The following CHLSN variants were observed in gnomAD, a reference collection of about 807,000 sequenced individuals.
The protein encoded by CHLSN is protein cholesin.
chr7:1,136,610 A>G, the CHLSN span, among the ~76,000 whole-genome samples: 3 of 145,476 alleles, frequency 2.1e-5, no homozygotes, highest in Non-Finnish European at 4.5e-5. Context: ...ATATAAATAT[A>G]TATAAATATA....
At chr7:1,092,772 G>A in the CHLSN span, 32 of 1,613,570 alleles carry the variant, frequency 2.0e-5, no homozygotes, top group Non-Finnish European at 2.7e-5. Flanking sequence ...TGCCGGCCCT[G>A]AACCGCTTCT....
chr7:984,910 G>T, the CHLSN span: 1 of 1,542,174 alleles, frequency 6.5e-7, no homozygotes, highest in South Asian at 1.2e-5. Context: ...GCTGGCTGGG[G>T]TGGGAACCTG....
chr7:1,136,624 AAAT>A, the CHLSN span, among the ~76,000 whole-genome samples: 2 of 145,340 alleles, frequency 1.4e-5, no homozygotes, highest in Admixed American at 1.4e-4. Flanking sequence ...AAATATATAA[AAAT>A]AAATATATAT....
the CHLSN span, chr7:1,026,427 C>A: frequency 6.6e-6 from 1 of 152,230 alleles, no homozygotes; most frequent in Non-Finnish European, 1.5e-5. Flanking sequence ...AGGCCCGTGT[C>A]CTTCCTAGCT....
the CHLSN span, among the ~76,000 whole-genome samples, chr7:1,055,780 C>T: frequency 3.9e-5 from 6 of 152,140 alleles, no homozygotes; most frequent in African/African-American, 1.4e-4. Flanking sequence ...ACAGCCCTCC[C>T]GCTCCGATCT....
the CHLSN span, among the ~76,000 whole-genome samples, chr7:1,078,579 C>A: frequency 6.6e-6 from 1 of 151,624 alleles, no homozygotes; most frequent in Admixed American, 6.6e-5. Flanking sequence ...CTAACGCCCC[C>A]CACGCCGGTT....
the CHLSN span, chr7:1,127,509 C>G: frequency 8.2e-6 from 8 of 972,174 alleles, no homozygotes; most frequent in East Asian, 8.3e-5. Context: ...TTATGGAAAA[C>G]ATATAAAAGT....
At chr7:1,114,921 C>G in the CHLSN span, among the ~76,000 whole-genome samples, 73 of 152,344 alleles carry the variant, frequency 4.8e-4, no homozygotes, top group African/African-American at 1.7e-3. Flanking sequence ...TGGGTGGGAG[C>G]CATGGTCACT....
the CHLSN span, among the ~76,000 whole-genome samples, chr7:1,073,729 C>T: frequency 7.3e-6 from 1 of 136,400 alleles, no homozygotes; most frequent in South Asian, 2.6e-4. Flanking sequence ...CGACCCCTCA[C>T]CCCGCTGCCG....
chr7:1,040,631 G>A, the CHLSN span, among the ~76,000 whole-genome samples: 1 of 151,098 alleles, frequency 6.6e-6, no homozygotes, highest in Non-Finnish European at 1.5e-5. Context: ...TGGGACCTGG[G>A]AGTCATTGAG....
chr7:1,130,271 G>A, the CHLSN span, among the ~76,000 whole-genome samples: 1 of 152,236 alleles, frequency 6.6e-6, no homozygotes, highest in African/African-American at 2.4e-5. Flanking sequence ...AGCCGAAAGA[G>A]GCAGCTGAGG....
At chr7:1,054,671 G>A in the CHLSN span, among the ~76,000 whole-genome samples, 2 of 152,196 alleles carry the variant, frequency 1.3e-5, no homozygotes, top group Non-Finnish European at 2.9e-5. Context: ...CTGACTCCCT[G>A]CAAGGAGGGG....
the CHLSN span, among the ~76,000 whole-genome samples, chr7:1,061,155 C>T: frequency 6.6e-6 from 1 of 152,330 alleles, no homozygotes; most frequent in South Asian, 2.1e-4. Flanking sequence ...CCTAAAATCA[C>T]TATTTCAATT....
the CHLSN span, among the ~76,000 whole-genome samples, chr7:1,128,761 G>A: frequency 4.2e-5 from 1 of 23,814 alleles, no homozygotes; most frequent in Non-Finnish European, 6.9e-5. Flanking sequence ...GTGCAGTGGC[G>A]CCATCTCGGC....
chr7:1,105,209 A>C, the CHLSN span, among the ~76,000 whole-genome samples: 74 of 152,364 alleles, frequency 4.9e-4, no homozygotes, highest in African/African-American at 1.6e-3. Context: ...TTCAGCTTAA[A>C]ATACCAAACG....
chr7:1,040,424 G>A, the CHLSN span, among the ~76,000 whole-genome samples: 1 of 152,170 alleles, frequency 6.6e-6, no homozygotes, highest in Non-Finnish European at 1.5e-5. Flanking sequence ...GAGCCTGGGA[G>A]TTCAAGGCTA....
chr7:1,092,575 C>G, the CHLSN span: 1 of 1,610,956 alleles, frequency 6.2e-7, no homozygotes. Context: ...CAGCGTGCAC[C>G]TCCTGCAGCG....
chr7:991,896 A>C, the CHLSN span, among the ~76,000 whole-genome samples: 1 of 152,138 alleles, frequency 6.6e-6, no homozygotes, highest in South Asian at 2.1e-4. Context: ...TGTGGGTGTG[A>C]GGGCTCTGGG....
the CHLSN span, among the ~76,000 whole-genome samples, chr7:1,108,379 G>T: frequency 6.6e-6 from 1 of 151,584 alleles, no homozygotes. Flanking sequence ...GAAGCAGAGG[G>T]GGGCTGTGTC....
Sources: gnomAD v4.1 joint callset for allele counts (sites outside exome capture counted in the v4.1 genomes callset) on GRCh38, gnomAD v4.1.1 for gene constraint, MANE v1.5 for transcripts, NCBI Gene and HGNC (gene_info 2026-07-23, HGNC 2026-07-21) for gene names.